Variants in KIF26B observed in about 807,000 individuals in gnomAD.
KIF26B encodes kinesin family member 26B, also known as kinesin-like protein KIF26B.
In KIF26B, 63 loss-of-function variants were observed where a neutral mutation model predicts 151.2. The observed-to-expected ratio is 0.42, with a 90% confidence interval of 0.34 to 0.51. The LOEUF (loss-of-function observed/expected upper bound fraction) is 0.51, where lower values mean the gene tolerates loss of function less well. Among genes scored for constraint, KIF26B ranks in the 20% least tolerant of loss-of-function variants. The pLI is 0.07. For missense variants in KIF26B, 2,813 were observed against 2,913.6 expected, an observed-to-expected ratio of 0.97 and a Z score of 0.79; for synonymous variants, 1,357 against 1,262.1, an observed-to-expected ratio of 1.08 and a Z score of -1.59.
In KIF26B at chr1:245,687,234, C is replaced by G. The variant is rs2044540709; in HGVS notation, c.4251C>G (p.Gly1417=). ...CCCCCACCGCCACCCCCAAAGCAGGCCCCACATTAGCCCAGTCCCGGGAGA... is the reference window on the plus strand; with the variant it reads ...CCCCCACCGCCACCCCCAAAGCAGGGCCCACATTAGCCCAGTCCCGGGAGA... ...PEAPTATPKA[G]PTLAQSRESK... The change falls in exon 12 of 15, where the codon GGC becomes GGG. Residue 1417 remains glycine, a synonymous_variant. Coordinates refer to ENST00000407071, the MANE Select transcript of KIF26B (RefSeq NM_018012.4). This position sits in a 1 kb window ranked among gnomAD's most constrained non-coding sequence, Gnocchi z 4.9. 6.2e-7 allele frequency: 1 copy of G among 1,612,724 alleles called. No individual in the cohort carries two copies. Among genetic ancestry groups the G allele is most frequent in the Non-Finnish European group, 8.5e-7 (1 of 1,179,656 alleles).
chr1:245,441,934 C>T (rs73132087), intron 4 of KIF26B, among the ~76,000 whole-genome samples: 2 of 152,074 alleles, frequency 1.3e-5, no homozygotes, highest in Non-Finnish European at 2.9e-5. Context: ...CAGACGGAAG[C>T]AGGGGAGGAG....
intron 3 of KIF26B, among the ~76,000 whole-genome samples, chr1:245,402,163 A>C (rs552213091): frequency 9.8e-5 from 15 of 152,292 alleles, no homozygotes; most frequent in African/African-American, 3.4e-4. Context: ...GAGTATTCTA[A>C]TTTAGCTTCT....
At chr1:245,473,940 G>A (rs569652451) in intron 4 of KIF26B, among the ~76,000 whole-genome samples, 23 of 151,800 alleles carry the variant, frequency 1.5e-4, no homozygotes, top group African/African-American at 3.9e-4. Flanking sequence ...AATTTAATAC[G>A]TTCATATCAT....
intron 5 of KIF26B, among the ~76,000 whole-genome samples, chr1:245,570,635 G>A (rs80230840): frequency 0.017 from 2,520 of 152,350 alleles, 66 homozygotes; most frequent in African/African-American, 0.055. Context: ...AGGCTTTTCA[G>A]AGATTTCTGA....
chr1:245,446,386 T>C (rs1659251521), intron 4 of KIF26B, among the ~76,000 whole-genome samples: 1 of 152,170 alleles, frequency 6.6e-6, no homozygotes. Context: ...TACAAGGAGT[T>C]TGGATAAATT....
At chr1:245,490,591 G>A (rs71636555) in intron 4 of KIF26B, among the ~76,000 whole-genome samples, 6,665 of 152,196 alleles carry the variant, frequency 0.044, 207 homozygotes, top group Admixed American at 0.061. Flanking sequence ...AATTACAGGC[G>A]TGAGCCACCG....
chr1:245,640,335 T>C (rs2043879873), intron 9 of KIF26B, among the ~76,000 whole-genome samples: 1 of 151,546 alleles, frequency 6.6e-6, no homozygotes, highest in African/African-American at 2.4e-5. Flanking sequence ...TCCATTTGTA[T>C]GGAATGCTTT....
intron 5 of KIF26B, among the ~76,000 whole-genome samples, chr1:245,565,651 C>T (rs974004979): frequency 3.3e-5 from 5 of 151,966 alleles, no homozygotes; most frequent in South Asian, 2.1e-4. Context: ...TTCTTCAGGT[C>T]GAGATTAAGG....
intron 4 of KIF26B, among the ~76,000 whole-genome samples, chr1:245,526,942 G>A (rs950728648): frequency 2.6e-5 from 4 of 152,032 alleles, no homozygotes; most frequent in East Asian, 1.9e-4. Flanking sequence ...ACTTCTTTTC[G>A]GTTTCTCATG....
At chr1:245,365,180 A>G (rs1672916348) in intron 2 of KIF26B, among the ~76,000 whole-genome samples, 1 of 152,132 alleles carries the variant, frequency 6.6e-6, no homozygotes. Context: ...TTGTGATTAG[A>G]GACTCTCTGG....
chr1:245,333,833 A>G (rs1672167585), intron 2 of KIF26B, among the ~76,000 whole-genome samples: 1 of 152,078 alleles, frequency 6.6e-6, no homozygotes, highest in Non-Finnish European at 1.5e-5. Context: ...CCCCATCTCT[A>G]CTAAAAATAC....
intron 4 of KIF26B, among the ~76,000 whole-genome samples, chr1:245,435,379 C>G (rs114167934): frequency 6.6e-6 from 1 of 152,150 alleles, no homozygotes; most frequent in South Asian, 2.1e-4. Flanking sequence ...GGCTTTTGCT[C>G]TCCCGGTGTC....
chr1:245,687,115 C>T lies in KIF26B; in HGVS notation c.4132C>T (p.Leu1378=), dbSNP rs1258589774. Residue 1378 remains leucine, a synonymous_variant, in exon 12 of 15, where the codon CTG becomes TTG. Coordinates refer to ENST00000407071, the MANE Select transcript of KIF26B (RefSeq NM_018012.4). This position sits in a 1 kb window ranked among gnomAD's most constrained non-coding sequence, Gnocchi z 4.9. The part of the protein sequence containing the change: ...AMVTISNTAN[L]SSCEGYIPMK... ...GGTCACCATCTCCAACACGGCCAAT[C>T]TGAGCAGCTGCGAGGGGTACATCCC... 3 of 1,613,328 alleles carry T rather than the reference C, an allele frequency of 1.9e-6. No homozygotes were observed. The African/African-American group carries it at 4.0e-5, about 22-fold the overall frequency.
At chr1:245,333,205 G>A (rs780381013) in intron 2 of KIF26B, among the ~76,000 whole-genome samples, 8 of 152,182 alleles carry the variant, frequency 5.3e-5, no homozygotes, top group Non-Finnish European at 1.0e-4. Context: ...GCCTGTCACC[G>A]TATAAATGGA....
At chr1:245,379,070 G>A (rs1056346380) in intron 3 of KIF26B, among the ~76,000 whole-genome samples, 17 of 152,192 alleles carry the variant, frequency 1.1e-4, no homozygotes, top group Admixed American at 9.2e-4. Context: ...CATTGTAAGA[G>A]CCAGTGGCAG....
Position 245,698,074 on chromosome 1 carries a change from G to GACTA in KIF26B, c.5825-28_5825-25dup. On this transcript the variant is annotated intron_variant, in intron 12 of 14. Transcript: ENST00000407071. This position sits in a 1 kb window ranked among gnomAD's most constrained non-coding sequence, Gnocchi z 4.0. ...CAACAAAAAAATTGAAATTCAGAAA[G>GACTA]ACTAACTCTCTGGGCTTATCCCCCT... is the stretch of plus-strand genomic sequence containing the variant. 1.3e-6 allele frequency: 2 copies of GACTA among 1,582,792 alleles called. No individual in the cohort carries two copies. Among genetic ancestry groups the GACTA allele is most frequent in the South Asian group, 2.3e-5 (2 of 87,214 alleles).
chr1:245,440,178 G>T (rs1327598490), intron 4 of KIF26B, among the ~76,000 whole-genome samples: 2 of 151,708 alleles, frequency 1.3e-5, no homozygotes, highest in Admixed American at 6.6e-5. Flanking sequence ...CCGAGATCGT[G>T]CCACTGCACA....
At chr1:245,634,945 G>GC (rs1273547406) in intron 9 of KIF26B, among the ~76,000 whole-genome samples, 2 of 151,944 alleles carry the variant, frequency 1.3e-5, no homozygotes, top group Non-Finnish European at 2.9e-5. Context: ...TGAACTTCGG[G>GC]CCTGAAGCAC....
Position 245,178,546 on chromosome 1 carries a change from T to C in KIF26B, c.465+21863T>C, listed in dbSNP as rs144764194. 5.6e-3 allele frequency among the ~76,000 whole-genome samples: 859 copies of C among 152,354 alleles called. 9 individuals are homozygous for C. Among genetic ancestry groups the C allele is most frequent in the African/African-American group, 0.019 (784 of 41,578 alleles). On this transcript the variant is annotated intron_variant, in intron 2 of 14. Coordinates refer to ENST00000407071, the MANE Select transcript of KIF26B (RefSeq NM_018012.4). ...TTCAGTGGCTTTAAGTACCTTCATA[T>C]CATTGCACGGCCATCGCCACCATCC...
Sources: allele counts gnomAD v4.1 joint callset (sites outside exome capture counted in the v4.1 genomes callset), GRCh38; gene constraint gnomAD v4.1.1; non-coding constraint Gnocchi (gnomAD v3.1); transcripts MANE v1.5; gene names NCBI Gene and HGNC (gene_info 2026-07-23, HGNC 2026-07-21).